Variants in RHOBTB2 observed in about 807,000 individuals in gnomAD.
RHOBTB2 encodes Rho related BTB domain containing 2.
A neutral mutation model predicts 66.5 loss-of-function variants in RHOBTB2; 39 were observed. The observed-to-expected ratio is 0.59, with a 90% CI of 0.45 to 0.77. RHOBTB2 has a LOEUF of 0.77. RHOBTB2 is among the 30% of genes least tolerant of loss of function. RHOBTB2 has a pLI of 0.00. For synonymous variants in RHOBTB2, 390 were observed against 395.0 expected (o/e 0.99, Z 0.15); for missense variants, 755 against 999.1 (o/e 0.76, Z 3.29).
At chr8:22,958,203 C>T in the RHOBTB2 span, among the ~76,000 whole-genome samples, 1 of 152,204 alleles carries the variant, frequency 6.6e-6, no homozygotes, top group East Asian at 1.9e-4. Flanking sequence ...CCTCCCCTCT[C>T]CAAAGATGTG....
chr8:22,959,081 C>T, the RHOBTB2 span, among the ~76,000 whole-genome samples: 1 of 152,204 alleles, frequency 6.6e-6, no homozygotes, highest in African/African-American at 2.4e-5. Flanking sequence ...GTTCACTCTC[C>T]TTAACCCCCT....
intron 1 of RHOBTB2, among the ~76,000 whole-genome samples, chr8:22,988,521 C>G (rs1359315844): frequency 6.6e-6 from 1 of 152,140 alleles, no homozygotes; most frequent in African/African-American, 2.4e-5. Context: ...CATGGCTCCA[C>G]CCAACTCTGG....
At chr8:22,963,080 G>A in the RHOBTB2 span, among the ~76,000 whole-genome samples, 8 of 152,326 alleles carry the variant, frequency 5.3e-5, no homozygotes, top group Non-Finnish European at 1.0e-4. Flanking sequence ...CTATATAGCA[G>A]GGCTGGGCAC....
At chr8:22,981,868 C>T in the RHOBTB2 span, among the ~76,000 whole-genome samples, 38 of 151,852 alleles carry the variant, frequency 2.5e-4, no homozygotes, top group Admixed American at 2.5e-3. Context: ...GCACCAGCTG[C>T]AGTGGCGCCT....
chr8:23,006,555 A>G lies in RHOBTB2; in HGVS notation c.483-173A>G. On this transcript the variant is annotated intron_variant, in intron 4 of 9. Transcript: ENST00000251822. This position sits in a 1 kb window ranked among gnomAD's most constrained non-coding sequence, Gnocchi z 6.1. ...GTAGGGAAAGCTTTCTGGAAGAAAAAGGGCTTGGAGTGGACCTTGAAGGAG... is the reference window on the plus strand; with the variant it reads ...GTAGGGAAAGCTTTCTGGAAGAAAAGGGGCTTGGAGTGGACCTTGAAGGAG... 3.1e-6 allele frequency: 2 copies of G among 650,210 alleles called. No individual in the cohort carries two copies. The highest frequency in any genetic ancestry group is 2.0e-5 in the South Asian group (1 of 49,704). 40.3% of individuals were successfully genotyped at this position (650,210 alleles called of 1,614,324 possible). A position where few individuals can be genotyped will look rare whatever the true frequency, so the allele number is the denominator to read the frequency against.
At chr8:22,985,667 C>CT (rs1320354636), upstream of RHOBTB2, among the ~76,000 whole-genome samples, 7 of 152,334 alleles carry the variant, frequency 4.6e-5, no homozygotes, top group African/African-American at 1.7e-4. Flanking sequence ...CGATGGAGGG[C>CT]TGGAAGCATG....
chr8:22,991,061 A>G (rs780733910), intron 1 of RHOBTB2, among the ~76,000 whole-genome samples: 8 of 152,276 alleles, frequency 5.3e-5, no homozygotes, highest in Middle Eastern at 3.4e-3. Flanking sequence ...TTCTTAGCTT[A>G]AAATTTGTCA....
chr8:23,007,042 C>G lies in RHOBTB2; in HGVS notation c.797C>G (p.Ala266Gly). 1.2e-6 allele frequency: 2 copies of G among 1,609,474 alleles called. No individual in the cohort carries two copies. The highest frequency in any genetic ancestry group is 8.5e-7 in the Non-Finnish European group (1 of 1,179,072). ...PAHLLEDPLC[A>G]DVILVLQERV... is the part of the protein sequence containing the mutation. Reference sequence around the variant, plus strand: ...CACCTCCTGGAGGACCCGCTCTGCGCGGACGTCATCCTGGTGCTGCAGGAG... The same window carrying G: ...CACCTCCTGGAGGACCCGCTCTGCGGGGACGTCATCCTGGTGCTGCAGGAG... Residue 266 changes from alanine to glycine, a missense_variant, in exon 5 of 10, where the codon GCG (alanine) becomes GGG (glycine). Ala to Gly is a moderately conservative substitution (Grantham distance 60). Around this residue, in one of 7 missense-constraint regions of RHOBTB2, gnomAD observed 247 missense variants for 238.9 expected, o/e 1.03. Coordinates refer to ENST00000251822, the MANE Select transcript of RHOBTB2 (RefSeq NM_015178.3).
At chr8:22,983,247 G>T (rs564497104), upstream of RHOBTB2, among the ~76,000 whole-genome samples, 10 of 152,050 alleles carry the variant, frequency 6.6e-5, no homozygotes, top group South Asian at 1.4e-3. Flanking sequence ...CATGTGTAAA[G>T]GGGGAATATG....
At position 23,005,614 on chromosome 8, in the gene RHOBTB2, G is replaced by A; in HGVS notation, c.296+139G>A. The A allele has an allele frequency of 7.3e-6, 5 of 681,708 alleles. 2 individuals carry two copies. The highest frequency in any genetic ancestry group is 6.7e-5 in the South Asian group (4 of 59,562). 42.2% of individuals were successfully genotyped at this position (681,708 alleles called of 1,614,324 possible). A position where few individuals can be genotyped will look rare whatever the true frequency, so the allele number is the denominator to read the frequency against. On this transcript the variant is annotated intron_variant, in intron 3 of 9. Coordinates refer to ENST00000251822, the MANE Select transcript of RHOBTB2 (RefSeq NM_015178.3). ...ACAGCTCTGGCAGAGCCTCATGGGG[G>A]CTGGGGCAGCCTGGTGCAGTGAAGG...
At chr8:22,956,113 G>A in the RHOBTB2 span, among the ~76,000 whole-genome samples, 4,753 of 152,256 alleles carry the variant, frequency 0.031, 209 homozygotes, top group African/African-American at 0.1. Flanking sequence ...TACACAAACA[G>A]TACAGAGAAT....
chr8:22,987,991 C>A (rs988510232), intron 1 of RHOBTB2, among the ~76,000 whole-genome samples: 1 of 152,070 alleles, frequency 6.6e-6, no homozygotes, highest in Non-Finnish European at 1.5e-5. Context: ...CCCCACCCCC[C>A]ACAACCCACT....
At chr8:22,988,852 T>C (rs1463063551) in intron 1 of RHOBTB2, among the ~76,000 whole-genome samples, 1 of 152,198 alleles carries the variant, frequency 6.6e-6, no homozygotes, top group African/African-American at 2.4e-5. Flanking sequence ...GGGCTGAGGC[T>C]GATAGCCTCC....
chr8:22,983,488 G>GA (rs113934503), upstream of RHOBTB2, among the ~76,000 whole-genome samples: 1,582 of 119,260 alleles, frequency 0.013, 16 homozygotes, highest in East Asian at 0.031. Flanking sequence ...CACCTCTCAA[G>GA]AAAAAAAAAA....
Position 23,010,552 on chromosome 8 carries a change from C to T in RHOBTB2, c.1635C>T (p.Tyr545=), listed in dbSNP as rs1053417531. 1 of 1,613,504 alleles carries T rather than the reference C, an allele frequency of 6.2e-7. No individual in the cohort carries two copies. Among genetic ancestry groups the T allele is most frequent in the Non-Finnish European group, 8.5e-7 (1 of 1,179,684 alleles). ...TCCCTCCCCAGGTGGTGTTTCCCTA[C>T]ACAAGCAAGAGCTGCATGCGGGCCG... is the stretch of plus-strand genomic sequence containing the variant. ...ESSTREVVFP[Y]TSKSCMRAVL... The change falls in exon 7 of 10, where the codon TAC becomes TAT. Residue 545 remains tyrosine, a synonymous_variant. Transcript: ENST00000251822.
At position 23,014,797 on chromosome 8, in the gene RHOBTB2, G is replaced by T. The variant is rs1811244387; in HGVS notation, c.1860+19G>T. 1 of 1,597,558 alleles carries T rather than the reference G, an allele frequency of 6.3e-7. No individual in the cohort carries two copies. The highest frequency in any genetic ancestry group is 1.7e-5 in the Admixed American group (1 of 59,750). ...GGCTCAGGTATCATGGCAGGGGAGG[G>T]AATCTACAACAGTCTCAGTTCTACA... On this transcript the variant is annotated intron_variant, in intron 8 of 9. Coordinates refer to ENST00000251822, the MANE Select transcript of RHOBTB2 (RefSeq NM_015178.3).
the RHOBTB2 span, among the ~76,000 whole-genome samples, chr8:22,956,729 T>C: frequency 6.6e-6 from 1 of 152,244 alleles, no homozygotes; most frequent in Admixed American, 6.5e-5. Context: ...TGGCGCAATC[T>C]TGACTCACTG....
At chr8:23,012,494 G>T (rs1461928082) in intron 7 of RHOBTB2, among the ~76,000 whole-genome samples, 1 of 152,212 alleles carries the variant, frequency 6.6e-6, no homozygotes, top group Non-Finnish European at 1.5e-5. Flanking sequence ...AATTGGCGAT[G>T]GTTTAAGTTT....
At position 23,000,124 on chromosome 8, in the gene RHOBTB2, G is replaced by C; in HGVS notation, c.-11+19G>C. 1.0e-6 allele frequency: 1 copy of C among 985,500 alleles called. No homozygotes were observed. The allele number at this position is 985,500 out of a possible 1,614,324, so 61.0% of individuals were successfully genotyped here. A position where few individuals can be genotyped will look rare whatever the true frequency, so the allele number is the denominator to read the frequency against. On this transcript the variant is annotated intron_variant, in intron 1 of 9. Transcript: ENST00000251822. The stretch of plus-strand genomic sequence containing the variant: ...TAGTGGTGTAAGTAGATGGCTGCTT[G>C]CGGTTATGGCGGGGTGGCCAGCAGC...
Sources: gnomAD v4.1 joint callset for allele counts (sites outside exome capture counted in the v4.1 genomes callset) on GRCh38, gnomAD v4.1.1 for gene constraint, gnomAD v4.1.1 regional missense constraint, Gnocchi (gnomAD v3.1) non-coding constraint, MANE v1.5 for transcripts, NCBI Gene and HGNC (gene_info 2026-07-23, HGNC 2026-07-21) for gene names.